FANCC: variants seen among roughly 807,000 people sequenced by gnomAD.
FANCC encodes FA complementation group C, also known as Fanconi anemia group C protein.
A neutral mutation model predicts 71.3 loss-of-function variants in FANCC; 55 were observed. The observed-to-expected ratio is 0.77, with a 90% confidence interval of 0.62 to 0.97. FANCC has a LOEUF of 0.97. Ranked by LOEUF, FANCC falls within the 50% of genes least tolerant of loss-of-function variation. FANCC has a pLI of 0.00. For synonymous variants in FANCC, 275 were observed against 244.9 expected (o/e 1.12, Z -1.15); for missense variants, 678 against 670.9 (o/e 1.01, Z -0.12).
In FANCC at chr9:95,149,931, G is replaced by A. The variant is rs775845203; in HGVS notation, c.678C>T (p.Ala226=). The change falls in exon 7 of 15, where the codon GCC becomes GCT. Residue 226 remains alanine (A), a synonymous_variant. Transcript: ENST00000289081. The part of the protein sequence containing the change: ...QPEFFEAVNE[A]ILLKKISLPM... ...AAACATTTGCCACTTACAGCAAAAT[G>A]GCCTCGTTTACAGCCTCAAAGAACT... The A allele has an allele frequency of 6.2e-6, 10 of 1,602,578 alleles. No homozygotes were observed. The Admixed American group carries it at 1.7e-4, about 28-fold the overall frequency.
intron 1 of FANCC, among the ~76,000 whole-genome samples, chr9:95,288,287 T>C (rs1445762110): frequency 6.6e-6 from 1 of 152,218 alleles, no homozygotes; most frequent in East Asian, 1.9e-4. Flanking sequence ...ACATGATGCC[T>C]TTACCAAGAC....
At position 95,197,536 on chromosome 9, in the gene FANCC, C is replaced by CACAA. The variant is rs535940433; in HGVS notation, c.346-25393_346-25390dup. ...CCTGGGTGAAAGAATCAGACCCCGTCACAAACAAACAAACCCCAATATAAT... is the reference window on the plus strand; with the variant it reads ...CCTGGGTGAAAGAATCAGACCCCGTCACAAACAAACAAACAAACCCCAATATAAT... On this transcript the variant is annotated intron_variant, in intron 4 of 14. Coordinates refer to ENST00000289081, the MANE Select transcript of FANCC (RefSeq NM_000136.3). Among the ~76,000 whole-genome samples, 4 of 152,218 alleles carry CACAA rather than the reference C, an allele frequency of 2.6e-5. No individual in the cohort carries two copies. The East Asian group carries it at 5.8e-4, about 22-fold the overall frequency.
intron 7 of FANCC, among the ~76,000 whole-genome samples, chr9:95,148,220 G>C (rs1829823480): frequency 6.6e-6 from 1 of 152,166 alleles, no homozygotes; most frequent in Non-Finnish European, 1.5e-5. Context: ...AAAGAATTCT[G>C]TACGGTGAAA....
intron 1 of FANCC, among the ~76,000 whole-genome samples, chr9:95,258,520 G>C (rs1171553449): frequency 6.6e-6 from 1 of 152,096 alleles, no homozygotes; most frequent in African/African-American, 2.4e-5. Context: ...CAATAAACTA[G>C]GTATTGATGG....
intron 6 of FANCC, among the ~76,000 whole-genome samples, chr9:95,161,639 A>G (rs1429892876): frequency 6.6e-6 from 1 of 152,238 alleles, no homozygotes; most frequent in Non-Finnish European, 1.5e-5. Flanking sequence ...GGTGAAAAAC[A>G]CATTAACATA....
intron 2 of FANCC, among the ~76,000 whole-genome samples, chr9:95,248,569 T>C (rs1396401077): frequency 6.6e-6 from 1 of 152,168 alleles, no homozygotes; most frequent in Non-Finnish European, 1.5e-5. Context: ...AAATACAAAA[T>C]ACTAGCTCAT....
At chr9:95,159,178 C>T (rs901225474) in intron 6 of FANCC, among the ~76,000 whole-genome samples, 4 of 152,122 alleles carry the variant, frequency 2.6e-5, no homozygotes, top group African/African-American at 9.7e-5. Context: ...GCTATCCCTC[C>T]CCTTGCCCCC....
intron 4 of FANCC, among the ~76,000 whole-genome samples, chr9:95,216,273 T>C (rs2135907832): frequency 6.6e-6 from 1 of 152,172 alleles, no homozygotes; most frequent in South Asian, 2.1e-4. Context: ...GATAAAAGGG[T>C]CAATTCATCA....
chr9:95,304,749 C>CAAAAAA (rs35105777), intron 1 of FANCC, among the ~76,000 whole-genome samples: 1 of 44,486 alleles, frequency 2.2e-5, no homozygotes, highest in African/African-American at 7.4e-5. Context: ...GACTCTATCT[C>CAAAAAA]AAAAAAAAAA....
intron 1 of FANCC, among the ~76,000 whole-genome samples, chr9:95,276,848 C>T (rs1232887900): frequency 6.6e-6 from 1 of 152,200 alleles, no homozygotes; most frequent in Non-Finnish European, 1.5e-5. Context: ...CCAGAGAATA[C>T]TCGCCCACAG....
At chr9:95,263,860 G>A (rs189723587) in intron 1 of FANCC, among the ~76,000 whole-genome samples, 1 of 152,296 alleles carries the variant, frequency 6.6e-6, no homozygotes, top group African/African-American at 2.4e-5. Context: ...CTATCAAACT[G>A]TAGGAACAGG....
intron 7 of FANCC, among the ~76,000 whole-genome samples, chr9:95,143,787 C>T (rs1016311411): frequency 1.5e-4 from 23 of 152,134 alleles, no homozygotes; most frequent in African/African-American, 5.3e-4. Flanking sequence ...CTCAGCAGCC[C>T]GCCCAGGAAG....
At chr9:95,278,852 T>C (rs1025130407) in intron 1 of FANCC, among the ~76,000 whole-genome samples, 14 of 150,076 alleles carry the variant, frequency 9.3e-5, no homozygotes, top group Admixed American at 8.6e-4. Context: ...AAAAGAATAG[T>C]GAAAACATCA....
At chr9:95,111,013 T>G (rs2071872128) in intron 13 of FANCC, 1 of 1,436,470 alleles carries the variant, frequency 7.0e-7, no homozygotes, top group African/African-American at 1.4e-5. Context: ...ATCTGTTGAC[T>G]GATCCAAGAA....
chr9:95,195,327 G>A (rs1049933965), intron 4 of FANCC, among the ~76,000 whole-genome samples: 1 of 138,156 alleles, frequency 7.2e-6, no homozygotes, highest in Non-Finnish European at 1.5e-5. Flanking sequence ...TTTTGTATAA[G>A]TTGTGAGGTT....
intron 8 of FANCC, among the ~76,000 whole-genome samples, chr9:95,134,384 C>A (rs1827336644): frequency 6.6e-6 from 1 of 152,156 alleles, no homozygotes; most frequent in Admixed American, 6.5e-5. Context: ...TCAGTCTCAG[C>A]TCAAGGGCGA....
intron 4 of FANCC, among the ~76,000 whole-genome samples, chr9:95,181,045 C>T (rs1461027786): frequency 6.6e-6 from 1 of 151,964 alleles, no homozygotes; most frequent in Non-Finnish European, 1.5e-5. Context: ...TAGTATCTCA[C>T]TTATCTGCAA....
intron 8 of FANCC, among the ~76,000 whole-genome samples, chr9:95,134,009 C>T (rs1827275884): frequency 6.6e-6 from 1 of 152,164 alleles, no homozygotes; most frequent in Non-Finnish European, 1.5e-5. Flanking sequence ...TCTGTTTGGG[C>T]TCTCTCAGTC....
chr9:95,199,809 A>G (rs1381531628), intron 4 of FANCC, among the ~76,000 whole-genome samples: 1 of 152,194 alleles, frequency 6.6e-6, no homozygotes, highest in East Asian at 1.9e-4. Context: ...GAAACCTTTC[A>G]TACTTCATTT....
Sources: allele counts gnomAD v4.1 joint callset (sites outside exome capture counted in the v4.1 genomes callset), GRCh38; gene constraint gnomAD v4.1.1; transcripts MANE v1.5; gene names NCBI Gene and HGNC (gene_info 2026-07-23, HGNC 2026-07-21).